Variants in ATP7A observed in about 807,000 individuals in gnomAD.
ATP7A encodes the protein ATPase copper transporting alpha.
ATP7A carries 7 observed loss-of-function variants against 83.5 expected under a neutral mutation model. The ratio of observed to expected loss-of-function variants is 0.08; its 90% CI spans 0.05 to 0.16. The LOEUF is 0.16. ATP7A is among the 10% of genes least tolerant of loss of function. The probability of loss-of-function intolerance (pLI) is 1.00; values close to 1 mark genes in which losing one functional copy is unlikely to be tolerated. For synonymous variants in ATP7A, 354 were observed against 395.2 expected (o/e 0.90, Z 1.24); for missense variants, 940 against 1,120.8 (o/e 0.84, Z 2.30).
At chrX:77,948,828 C>G (rs938450113) in intron 1 of ATP7A, among the ~76,000 whole-genome samples, 1 of 111,282 alleles carries the variant, frequency 9.0e-6, no homozygotes, top group Non-Finnish European at 1.9e-5. Context: ...TAAATATAGC[C>G]TAGTCATTTT....
At chrX:77,995,482 C>G (rs868975668) in intron 4 of ATP7A, among the ~76,000 whole-genome samples, 1 of 100,942 alleles carries the variant, frequency 9.9e-6, no homozygotes, top group Middle Eastern at 5.3e-3. Flanking sequence ...GCAGGAGAAA[C>G]GCTTGAACGT....
chrX:77,994,603 G>A (rs781984643), intron 4 of ATP7A, among the ~76,000 whole-genome samples: 9 of 110,064 alleles, frequency 8.2e-5, no homozygotes, highest in Non-Finnish European at 1.3e-4. Flanking sequence ...GCAGTGGCAC[G>A]ATCACAGCTC....
chrX:77,984,554 G>A (rs921080317), intron 2 of ATP7A, among the ~76,000 whole-genome samples: 3 of 110,627 alleles, frequency 2.7e-5, no homozygotes, highest in Non-Finnish European at 5.7e-5. Flanking sequence ...TTTTGGTAGA[G>A]ACGGGTTTTC....
At chrX:78,024,346 A>T (rs1557236119) in intron 14 of ATP7A, among the ~76,000 whole-genome samples, 2 of 111,798 alleles carry the variant, frequency 1.8e-5, no homozygotes, top group African/African-American at 6.5e-5. Flanking sequence ...GTAGTTTTAT[A>T]GGAATTGTGT....
chrX:77,951,382 A>G (rs1184504767), intron 1 of ATP7A, among the ~76,000 whole-genome samples: 2 of 111,314 alleles, frequency 1.8e-5, no homozygotes. Context: ...GAATTAATTT[A>G]TAGATTGTAA....
At chrX:78,002,371 C>A (rs2077745836) in intron 5 of ATP7A, among the ~76,000 whole-genome samples, 1 of 109,460 alleles carries the variant, frequency 9.1e-6, no homozygotes, top group Non-Finnish European at 1.9e-5. Context: ...CATGAGCCGT[C>A]ATGCCCAGCC....
At chrX:77,917,871 C>T (rs1038989220) in intron 1 of ATP7A, among the ~76,000 whole-genome samples, 1 of 111,664 alleles carries the variant, frequency 9.0e-6, no homozygotes, top group Non-Finnish European at 1.9e-5. Flanking sequence ...TTCTATTTTA[C>T]CTAAACTCAA....
At chrX:78,044,742 C>T (rs1557238889) in intron 21 of ATP7A, among the ~76,000 whole-genome samples, 1 of 111,537 alleles carries the variant, frequency 9.0e-6, no homozygotes, top group Non-Finnish European at 1.9e-5. Flanking sequence ...CTGAGAATCT[C>T]CTAAACTTAG....
At chrX:77,972,538 A>G (rs2077554609) in intron 2 of ATP7A, among the ~76,000 whole-genome samples, 1 of 111,804 alleles carries the variant, frequency 8.9e-6, no homozygotes, top group South Asian at 3.8e-4. Context: ...TTTAGTAGAG[A>G]CAGGGTTTCT....
intron 2 of ATP7A, among the ~76,000 whole-genome samples, chrX:77,983,179 C>T (rs1169499930): frequency 8.9e-6 from 1 of 111,829 alleles, no homozygotes; most frequent in Non-Finnish European, 1.9e-5. Flanking sequence ...TTTTGAGGGA[C>T]CTTTCCCTAT....
chrX:77,989,036 A>G (rs2077654522), intron 3 of ATP7A, among the ~76,000 whole-genome samples, 197 bp from the exon 4 acceptor site: 1 of 111,496 alleles, frequency 9.0e-6, no homozygotes, highest in Non-Finnish European at 1.9e-5. Flanking sequence ...CTTGGAGACC[A>G]TAGCTACAGT....
chrX:78,024,920 C>G (rs1014964996), intron 14 of ATP7A, among the ~76,000 whole-genome samples: 15 of 111,482 alleles, frequency 1.3e-4, no homozygotes, highest in African/African-American at 4.9e-4. Flanking sequence ...CCTGCTGTCT[C>G]TTACTCTTGA....
intron 1 of ATP7A, chrX:77,962,649 A>T: frequency 2.6e-6 from 1 of 378,023 alleles, no homozygotes; most frequent in Non-Finnish European, 5.2e-6. Flanking sequence ...TTCCCTGGGC[A>T]TTGCTGTGAG....
chrX:77,925,990 A>G (rs2077239371), intron 1 of ATP7A, among the ~76,000 whole-genome samples: 1 of 109,868 alleles, frequency 9.1e-6, no homozygotes, highest in Admixed American at 9.7e-5. Flanking sequence ...CTGAAACTAA[A>G]CAACTCTTTC....
chrX:78,036,890 A>G (rs1428225389), intron 17 of ATP7A, among the ~76,000 whole-genome samples: 2 of 111,669 alleles, frequency 1.8e-5, no homozygotes, highest in Non-Finnish European at 3.8e-5. Context: ...TTGGACCAGT[A>G]TAGCAGAGGT....
At chrX:77,915,611 C>T (rs2149038931) in intron 1 of ATP7A, among the ~76,000 whole-genome samples, 1 of 111,958 alleles carries the variant, frequency 8.9e-6, no homozygotes, top group Non-Finnish European at 1.9e-5. Context: ...GTAATTTTAA[C>T]ATCCTATATA....
intron 1 of ATP7A, among the ~76,000 whole-genome samples, chrX:77,936,912 A>G (rs1231437497): frequency 2.7e-5 from 3 of 112,388 alleles, no homozygotes; most frequent in Non-Finnish European, 5.6e-5. Flanking sequence ...TGGGACTACA[A>G]GTATGTGCCA....
chrX:77,942,930 C>T (rs1169744552), intron 1 of ATP7A, among the ~76,000 whole-genome samples: 3 of 111,268 alleles, frequency 2.7e-5, no homozygotes, highest in Non-Finnish European at 5.7e-5. Context: ...ATTCTCGTGC[C>T]TCAGTCTCCT....
chrX:77,971,586 A>G (rs1557229665), intron 1 of ATP7A, 35 bp from the exon 2 acceptor site: 4 of 1,190,760 alleles, frequency 3.4e-6, no homozygotes, highest in Admixed American at 2.2e-5. Flanking sequence ...GATTATTTGC[A>G]TGGCTGAAAT....
Sources: allele counts gnomAD v4.1 joint callset (sites outside exome capture counted in the v4.1 genomes callset), GRCh38; gene constraint gnomAD v4.1.1; transcripts MANE v1.5; gene names NCBI Gene and HGNC (gene_info 2026-07-23, HGNC 2026-07-21).